The following NEK10 variants were observed in gnomAD, a reference collection of about 807,000 sequenced individuals.
The protein encoded by NEK10 is serine/threonine-protein kinase Nek10.
In NEK10, 122 loss-of-function variants were observed where a neutral mutation model predicts 159.8. The ratio of observed to expected loss-of-function variants is 0.76; its 90% confidence interval spans 0.66 to 0.89. NEK10 has a LOEUF of 0.89. Ranked by LOEUF, NEK10 falls within the 40% of genes least tolerant of loss-of-function variation. NEK10 has a pLI of 0.00. For synonymous variants in NEK10, 466 were observed against 457.1 expected (o/e 1.02, Z -0.25); for missense variants, 1,342 against 1,323.1 (o/e 1.01, Z -0.22).
chr3:27,131,075 C>T (rs1044580739), intron 32 of NEK10, among the ~76,000 whole-genome samples: 10 of 152,154 alleles, frequency 6.6e-5, no homozygotes, highest in Non-Finnish European at 1.5e-4. Context: ...AATGCTGAAG[C>T]TTTGATGCAT....
intron 29 of NEK10, among the ~76,000 whole-genome samples, chr3:27,163,769 T>C (rs541974702): frequency 6.6e-6 from 1 of 152,310 alleles, no homozygotes; most frequent in African/African-American, 2.4e-5. Context: ...ATACATGTAC[T>C]AGGTATAAGG....
intron 30 of NEK10, among the ~76,000 whole-genome samples, chr3:27,161,744 A>T (rs115631382): frequency 6.6e-6 from 1 of 152,200 alleles, no homozygotes; most frequent in Non-Finnish European, 1.5e-5. Flanking sequence ...TTCAATTATT[A>T]GGGAAACAAT....
chr3:27,127,833 T>C (rs1351145788), intron 32 of NEK10, among the ~76,000 whole-genome samples: 2 of 152,064 alleles, frequency 1.3e-5, no homozygotes, highest in African/African-American at 4.8e-5. Context: ...TGCTTTAATC[T>C]TTACAGGCAA....
intron 31 of NEK10, among the ~76,000 whole-genome samples, chr3:27,134,579 C>A (rs187257177): frequency 2.0e-5 from 3 of 152,240 alleles, no homozygotes; most frequent in South Asian, 2.1e-4. Flanking sequence ...AGAATTCTTG[C>A]GATTTATTTA....
At chr3:27,286,545 C>CT (rs36101281) in intron 20 of NEK10, among the ~76,000 whole-genome samples, 4,558 of 64,908 alleles carry the variant, frequency 0.07, 450 homozygotes, top group African/African-American at 0.14. Context: ...CCACGCCCAG[C>CT]TTTTTTTTTT....
At chr3:27,147,487 G>T (rs1216288993) in intron 30 of NEK10, among the ~76,000 whole-genome samples, 3 of 152,208 alleles carry the variant, frequency 2.0e-5, no homozygotes, top group Non-Finnish European at 4.4e-5. Flanking sequence ...CAAAGCATCA[G>T]CTCCTTTCAC....
At chr3:27,335,166 C>A (rs142926059) in intron 5 of NEK10, among the ~76,000 whole-genome samples, 1 of 151,888 alleles carries the variant, frequency 6.6e-6, no homozygotes, top group African/African-American at 2.4e-5. Context: ...TGGTGAAGCT[C>A]CCTCTCTACT....
Position 27,297,233 on chromosome 3 carries a change from A to G in NEK10, c.1176T>C (p.Cys392=). ...TGAGCACCAGCTCAGTGAGGGCAGC[A>G]CAGCAGGCTGGAATGACAACAATCA... ...ENTFSLQAAC[C]AALTELVLND... Residue 392 remains cysteine, a synonymous_variant, in exon 14 of 36, where the codon TGT becomes TGC. Coordinates refer to ENST00000691995, the MANE Select transcript of NEK10 (RefSeq NM_001394966.1). The G allele has an allele frequency of 6.2e-7, 1 of 1,612,264 alleles. No homozygotes were observed. The highest frequency in any genetic ancestry group is 1.1e-5 in the South Asian group (1 of 91,042).
chr3:27,106,699 C>A lies in NEK10; in HGVS notation c.*4573G>T, dbSNP rs935012518. 3.9e-5 allele frequency among the ~76,000 whole-genome samples: 6 copies of A among 152,184 alleles called. No homozygotes were observed. The highest frequency in any genetic ancestry group is 5.9e-5 in the Non-Finnish European group (4 of 68,030). ...TATTTCTGGCACAAACTTCTCTCTG[C>A]ATGTTTTATGGGACCAGTTTTTCAC... On this transcript the variant is annotated 3_prime_UTR_variant, in exon 36 of 36. Transcript: ENST00000691995.
intron 30 of NEK10, chr3:27,143,390 G>A: frequency 1.4e-6 from 1 of 710,074 alleles, no homozygotes. Flanking sequence ...ATGGCAAAGA[G>A]TTCTTAGATC....
At chr3:27,334,796 G>A (rs1286043227) in intron 5 of NEK10, among the ~76,000 whole-genome samples, 1 of 152,150 alleles carries the variant, frequency 6.6e-6, no homozygotes, top group Non-Finnish European at 1.5e-5. Flanking sequence ...TACCAGATGT[G>A]CAGATGTCAG....
At chr3:27,184,119 TG>T (rs1948390433) in intron 26 of NEK10, among the ~76,000 whole-genome samples, 1 of 152,220 alleles carries the variant, frequency 6.6e-6, no homozygotes, top group Non-Finnish European at 1.5e-5. Context: ...CATTTTTGTA[TG>T]GGTCTTTTTG....
Position 27,284,632 on chromosome 3 carries a change from T to C in NEK10, c.1984A>G (p.Met662Val). The change falls in exon 22 of 36, where the codon ATG becomes GTG. Residue 662 changes from methionine (M) to valine (V), a missense_variant. Met to Val is a conservative substitution (Grantham distance 21). Transcript: ENST00000691995. ...VHRDLTPNNI[M>V]LGDKDKVTVT... ...GTTACTTTGTCCTTATCCCCCAACA[T>C]AATGTTGTTTGGTGTCAGATCTCTA... The C allele has an allele frequency of 6.2e-7, 1 of 1,602,602 alleles. No individual in the cohort carries two copies. The highest frequency in any genetic ancestry group is 8.6e-7 in the Non-Finnish European group (1 of 1,169,564).
intron 13 of NEK10, among the ~76,000 whole-genome samples, chr3:27,297,485 A>C (rs2043442320): frequency 6.6e-6 from 1 of 152,186 alleles, no homozygotes; most frequent in Non-Finnish European, 1.5e-5. Flanking sequence ...CCATTTATTG[A>C]GCACTTTCTT....
chr3:27,309,149 T>TTTA (rs1481686207), intron 9 of NEK10, 144 bp from the exon 10 acceptor site: 11 of 512,986 alleles, frequency 2.1e-5, no homozygotes, highest in Non-Finnish European at 3.9e-5. Flanking sequence ...TAACTGTTTT[T>TTTA]TTTTTTTGCT....
chr3:27,366,939 T>G (rs2049137819), intron 1 of NEK10, among the ~76,000 whole-genome samples: 3 of 151,580 alleles, frequency 2.0e-5, no homozygotes, highest in Admixed American at 2.0e-4. Flanking sequence ...GCCTCCCAAG[T>G]AGCGGGGATT....
At chr3:27,322,406 C>G in intron 5 of NEK10, 145 bp from the exon 6 acceptor site, 1 of 615,048 alleles carries the variant, frequency 1.6e-6, no homozygotes. Context: ...TACTTGAACA[C>G]TTGACTCATT....
intron 31 of NEK10, among the ~76,000 whole-genome samples, chr3:27,134,471 G>GA (rs1281530481): frequency 1.3e-5 from 2 of 152,200 alleles, no homozygotes; most frequent in African/African-American, 4.8e-5. Flanking sequence ...ACAAACTTTT[G>GA]AAAGTGTGGA....
At chr3:27,111,410 A>C in intron 35 of NEK10, 90 bp from the exon 36 acceptor site, 1 of 949,722 alleles carries the variant, frequency 1.1e-6, no homozygotes. Flanking sequence ...TCAGGCATAT[A>C]AGTAAATAAA....
Sources: allele counts gnomAD v4.1 joint callset (sites outside exome capture counted in the v4.1 genomes callset), GRCh38; gene constraint gnomAD v4.1.1; transcripts MANE v1.5; gene names NCBI Gene and HGNC (gene_info 2026-07-23, HGNC 2026-07-21).